Variants in SNX29 observed in about 807,000 individuals in gnomAD.
The protein encoded by SNX29 is sorting nexin 29.
Under a neutral mutation model 102.1 loss-of-function variants are expected in SNX29, and 78 were observed. That is an observed-to-expected ratio of 0.76 (90% CI 0.64 to 0.92). The LOEUF (loss-of-function observed/expected upper bound fraction) is 0.92, where lower values mean the gene tolerates loss of function less well. Among genes scored for constraint, SNX29 ranks in the 40% least tolerant of loss-of-function variants. The pLI is 0.00. For missense variants in SNX29, 1,280 were observed against 1,061.7 expected (o/e 1.21, Z -2.86); for synonymous variants, 580 against 414.5 (o/e 1.40, Z -4.85).
chr16:12,549,883 G>C (rs1210916960), intron 20 of SNX29, among the ~76,000 whole-genome samples: 1 of 152,266 alleles, frequency 6.6e-6, no homozygotes, highest in Admixed American at 6.5e-5. Context: ...GTTCAGACTA[G>C]AACAGAGATC....
At chr16:12,566,425 C>G (rs1041658687) in intron 20 of SNX29, among the ~76,000 whole-genome samples, 14 of 41,010 alleles carry the variant, frequency 3.4e-4, no homozygotes, top group Non-Finnish European at 6.1e-4. Context: ...CCTCCAGGGC[C>G]TCTCCCCCCA....
rs1322635117 is a variant in SNX29 at position 12,462,048 on chromosome 16, T to C, written c.2038-15671T>C. Among the ~76,000 whole-genome samples, 287 of 116,162 alleles carry C rather than the reference T, an allele frequency of 2.5e-3. 2 individuals are homozygous for C. Among genetic ancestry groups the C allele is most frequent in the African/African-American group, 0.011 (274 of 24,840 alleles). The allele number at this position is 116,162 out of a possible 152,430, so 76.2% of individuals were successfully genotyped here. On this transcript the variant is annotated intron_variant, in intron 18 of 20. Coordinates refer to ENST00000566228, the MANE Select transcript of SNX29 (RefSeq NM_032167.5). ...ACACACACACACACACACACACTCT[T>C]ATATATGAGAAAATATCCAGACCAG...
At chr16:12,226,762 A>G (rs1372939422) in intron 14 of SNX29, among the ~76,000 whole-genome samples, 2 of 152,030 alleles carry the variant, frequency 1.3e-5, no homozygotes, top group Non-Finnish European at 2.9e-5. Context: ...TATTTTTAGT[A>G]GAGACGGGTT....
intron 15 of SNX29, among the ~76,000 whole-genome samples, chr16:12,315,342 C>G (rs966274032): frequency 6.6e-6 from 1 of 152,278 alleles, no homozygotes; most frequent in East Asian, 1.9e-4. Flanking sequence ...TTCTTTACAC[C>G]TTGTGGATCT....
intron 18 of SNX29, among the ~76,000 whole-genome samples, chr16:12,467,593 T>A (rs1199655964): frequency 6.6e-6 from 1 of 151,294 alleles, no homozygotes; most frequent in Non-Finnish European, 1.5e-5. Flanking sequence ...GACCTGTTCG[T>A]TCATTCGTTT....
At chr16:12,302,797 C>T (rs1275334906) in intron 15 of SNX29, among the ~76,000 whole-genome samples, 1 of 152,158 alleles carries the variant, frequency 6.6e-6, no homozygotes, top group African/African-American at 2.4e-5. Flanking sequence ...TGACTTGGGG[C>T]CACACTGTTA....
intron 20 of SNX29, chr16:12,546,673 T>C (rs975151018): frequency 2.0e-5 from 3 of 152,238 alleles, no homozygotes; most frequent in African/African-American, 7.2e-5. Context: ...TAAATCTTCC[T>C]TTTTGAATCC....
intron 15 of SNX29, among the ~76,000 whole-genome samples, chr16:12,291,638 G>T (rs2079798673): frequency 6.6e-6 from 1 of 152,192 alleles, no homozygotes; most frequent in South Asian, 2.1e-4. Flanking sequence ...CTCCATTCTT[G>T]TCAAAAACCT....
At chr16:12,208,759 T>G (rs1006946695) in intron 14 of SNX29, among the ~76,000 whole-genome samples, 1 of 152,086 alleles carries the variant, frequency 6.6e-6, no homozygotes, top group Non-Finnish European at 1.5e-5. Flanking sequence ...GAGGATCACT[T>G]GAGCCCAGAA....
At chr16:12,173,091 A>C (rs1231844768) in intron 13 of SNX29, among the ~76,000 whole-genome samples, 1 of 152,236 alleles carries the variant, frequency 6.6e-6, no homozygotes, top group Non-Finnish European at 1.5e-5. Flanking sequence ...AAAATGTTCC[A>C]CATTGCTCTG....
At position 12,224,956 on chromosome 16, in the gene SNX29, G is replaced by T. The variant is rs147047387; in HGVS notation, c.1678+25273G>T. 1.0e-3 allele frequency among the ~76,000 whole-genome samples: 158 copies of T among 152,298 alleles called. 1 individual carries two copies. The South Asian group carries it at 0.016, about 16-fold the overall frequency. On this transcript the variant is annotated intron_variant, in intron 14 of 20. Coordinates refer to ENST00000566228, the MANE Select transcript of SNX29 (RefSeq NM_032167.5). The stretch of plus-strand genomic sequence containing the variant: ...TCCCATCAAAGGGTGAAGACTCTTG[G>T]CTTCATAGATGCTCTGCTCTGTTCC...
chr16:12,206,331 A>G (rs185462305), intron 14 of SNX29, among the ~76,000 whole-genome samples: 5 of 132,352 alleles, frequency 3.8e-5, no homozygotes, highest in South Asian at 4.8e-4. Flanking sequence ...CTCAACTCCA[A>G]TTTTTTTCAT....
At chr16:12,505,580 T>C (rs1257370770) in intron 19 of SNX29, among the ~76,000 whole-genome samples, 1 of 152,196 alleles carries the variant, frequency 6.6e-6, no homozygotes. Flanking sequence ...AAATGGTCAC[T>C]ATAGTGAAGC....
chr16:12,569,899 C>G lies in SNX29; in HGVS notation c.*1270C>G, dbSNP rs1293547781. 1 of 231,860 alleles carries G rather than the reference C, an allele frequency of 4.3e-6. No individual in the cohort carries two copies. The highest frequency in any genetic ancestry group is 8.5e-6 in the Non-Finnish European group (1 of 117,256). The allele number at this position is 231,860 out of a possible 1,614,324, so 14.4% of individuals were successfully genotyped here. On this transcript the variant is annotated 3_prime_UTR_variant, in exon 21 of 21. Coordinates refer to ENST00000566228, the MANE Select transcript of SNX29 (RefSeq NM_032167.5). ...GTAAGTTTGTGTGTTTCGCCTTAAT[C>G]TGAGGCAGAGACACAGCAGAACCTG...
At chr16:12,424,340 T>G (rs1022589937) in intron 18 of SNX29, among the ~76,000 whole-genome samples, 1 of 152,210 alleles carries the variant, frequency 6.6e-6, no homozygotes, top group Non-Finnish European at 1.5e-5. Flanking sequence ...AGTTTTGATT[T>G]TGCTGTTTCT....
At chr16:11,983,097 A>AT (rs2055461758) in intron 1 of SNX29, among the ~76,000 whole-genome samples, 1 of 151,698 alleles carries the variant, frequency 6.6e-6, no homozygotes, top group South Asian at 2.1e-4. Context: ...CGCCTGGCTA[A>AT]TTTTTTGTAT....
At chr16:12,015,833 A>G (rs148467655) in intron 3 of SNX29, among the ~76,000 whole-genome samples, 1,527 of 149,308 alleles carry the variant, frequency 0.01, 19 homozygotes, top group African/African-American at 0.035. Context: ...CACTGTGCCC[A>G]GCCTCCAAGT....
intron 20 of SNX29, among the ~76,000 whole-genome samples, chr16:12,565,118 C>G (rs924425074): frequency 2.1e-4 from 30 of 145,548 alleles, no homozygotes; most frequent in Non-Finnish European, 1.5e-4. Context: ...TGGCCCTAGT[C>G]TCTTATCCAC....
intron 13 of SNX29, among the ~76,000 whole-genome samples, chr16:12,154,346 A>AC (rs34528134): frequency 6.6e-6 from 1 of 151,410 alleles, no homozygotes; most frequent in African/African-American, 2.4e-5. Flanking sequence ...CCGTTCTGAG[A>AC]CCCCCCACAG....
Sources: allele counts gnomAD v4.1 joint callset (sites outside exome capture counted in the v4.1 genomes callset), GRCh38; gene constraint gnomAD v4.1.1; transcripts MANE v1.5; gene names NCBI Gene and HGNC (gene_info 2026-07-23, HGNC 2026-07-21).